Variants in PDE4D observed in about 807,000 individuals in gnomAD.
PDE4D encodes the protein phosphodiesterase 4D.
Under a neutral mutation model 87.4 loss-of-function variants are expected in PDE4D, and 24 were observed. That is an observed-to-expected ratio of 0.27 (90% CI 0.20 to 0.39). The LOEUF (loss-of-function observed/expected upper bound fraction) is 0.39, where lower values mean the gene tolerates loss of function less well. Ranked by LOEUF, PDE4D falls within the 10% of genes least tolerant of loss-of-function variation. PDE4D has a pLI of 1.00. For synonymous variants in PDE4D, 384 were observed against 383.2 expected (o/e 1.00, Z -0.02); for missense variants, 714 against 1,041.0 (o/e 0.69, Z 4.32).
At chr5:59,712,429 T>TATATATATATATATA (rs1754342946) in intron 1 of PDE4D, among the ~76,000 whole-genome samples, 1 of 131,636 alleles carries the variant, frequency 7.6e-6, no homozygotes, top group Non-Finnish European at 1.6e-5. Flanking sequence ...TATATATATA[T>TATATATATATATATA]TTAAGTTGTT....
At chr5:60,319,759 G>GT (rs1362476708) in intron 1 of PDE4D, among the ~76,000 whole-genome samples, 1 of 152,208 alleles carries the variant, frequency 6.6e-6, no homozygotes, top group Admixed American at 6.5e-5. Context: ...TCCAGACCCT[G>GT]TTTCCCTGGG....
chr5:59,585,136 C>CA (rs36011948), intron 1 of PDE4D, among the ~76,000 whole-genome samples: 2 of 151,872 alleles, frequency 1.3e-5, no homozygotes, highest in Non-Finnish European at 2.9e-5. Context: ...CTCTGGTCAG[C>CA]AAAAAAGGTA....
chr5:59,728,253 T>C (rs1214312177), intron 1 of PDE4D, among the ~76,000 whole-genome samples: 1 of 152,066 alleles, frequency 6.6e-6, no homozygotes, highest in Non-Finnish European at 1.5e-5. Context: ...AATATGAACA[T>C]AATATAAAAG....
intron 1 of PDE4D, among the ~76,000 whole-genome samples, chr5:60,357,570 C>G (rs1934338892): frequency 6.6e-6 from 1 of 152,114 alleles, no homozygotes. Context: ...AACTGCATTT[C>G]AAAGACTAAA....
At chr5:59,630,919 G>T (rs1022777747) in intron 1 of PDE4D, among the ~76,000 whole-genome samples, 4 of 151,590 alleles carry the variant, frequency 2.6e-5, no homozygotes, top group African/African-American at 7.3e-5. Context: ...CTGACGCTCG[G>T]TTTTTTTTCC....
intron 1 of PDE4D, among the ~76,000 whole-genome samples, chr5:59,870,754 G>A (rs1361856088): frequency 6.6e-6 from 1 of 152,144 alleles, no homozygotes; most frequent in Non-Finnish European, 1.5e-5. Context: ...CAGGGAGATT[G>A]TACTGAAATG....
At chr5:59,837,662 AATT>A (rs1488053579) in intron 1 of PDE4D, among the ~76,000 whole-genome samples, 1 of 152,072 alleles carries the variant, frequency 6.6e-6, no homozygotes, top group African/African-American at 2.4e-5. Context: ...GTTTAACATA[AATT>A]ATGAGATTTT....
At chr5:60,234,023 T>C (rs1746125182) in intron 1 of PDE4D, among the ~76,000 whole-genome samples, 1 of 151,862 alleles carries the variant, frequency 6.6e-6, no homozygotes, top group Non-Finnish European at 1.5e-5. Context: ...CAGTCGTTTC[T>C]ACAATATTCA....
intron 1 of PDE4D, among the ~76,000 whole-genome samples, chr5:59,677,117 A>AT (rs1380896392): frequency 6.6e-6 from 1 of 152,136 alleles, no homozygotes; most frequent in Non-Finnish European, 1.5e-5. Flanking sequence ...GAAAAAAAAA[A>AT]GTTGAGATCT....
intron 3 of PDE4D, among the ~76,000 whole-genome samples, chr5:59,971,916 G>T (rs1760813320): frequency 6.6e-6 from 1 of 152,160 alleles, no homozygotes; most frequent in South Asian, 2.1e-4. Flanking sequence ...ATAGAACTCA[G>T]AATAAACAGG....
intron 1 of PDE4D, among the ~76,000 whole-genome samples, chr5:60,257,106 T>G (rs1270124788): frequency 6.6e-6 from 1 of 151,204 alleles, no homozygotes; most frequent in African/African-American, 2.4e-5. Context: ...TAAAATAAAA[T>G]TCACACAGAA....
At chr5:59,927,667 C>A (rs1191758576) in intron 3 of PDE4D, among the ~76,000 whole-genome samples, 1 of 152,066 alleles carries the variant, frequency 6.6e-6, no homozygotes, top group East Asian at 1.9e-4. Flanking sequence ...TACGAAGGCA[C>A]ATAAATCTAG....
chr5:59,011,457 T>G (rs1752790379), intron 6 of PDE4D, among the ~76,000 whole-genome samples: 1 of 152,158 alleles, frequency 6.6e-6, no homozygotes, highest in African/African-American at 2.4e-5. Flanking sequence ...TTAAATGACC[T>G]GATGGAGCTG....
At chr5:60,106,269 A>G (rs1269787011) in intron 2 of PDE4D, among the ~76,000 whole-genome samples, 1 of 151,978 alleles carries the variant, frequency 6.6e-6, no homozygotes, top group African/African-American at 2.4e-5. Flanking sequence ...GAAGGCCATT[A>G]CATAATGGTA....
At chr5:60,381,654 G>A (rs879734810) in intron 1 of PDE4D, among the ~76,000 whole-genome samples, 21 of 152,180 alleles carry the variant, frequency 1.4e-4, no homozygotes, top group Admixed American at 7.9e-4. Context: ...TGAGCTGGGA[G>A]GGTGGGTAAA....
chr5:59,088,437 A>T (rs1768102378), intron 5 of PDE4D, among the ~76,000 whole-genome samples: 3 of 152,150 alleles, frequency 2.0e-5, no homozygotes, highest in Admixed American at 1.3e-4. Flanking sequence ...CAACCCAGCA[A>T]TCTCATTTCT....
At chr5:59,128,613 C>T (rs10044993) in intron 5 of PDE4D, among the ~76,000 whole-genome samples, 1 of 152,074 alleles carries the variant, frequency 6.6e-6, no homozygotes, top group African/African-American at 2.4e-5. Flanking sequence ...AAGGTCATTT[C>T]GCTTGATGAT....
intron 5 of PDE4D, among the ~76,000 whole-genome samples, chr5:59,123,225 T>G (rs148840802): frequency 8.3e-4 from 126 of 152,348 alleles, no homozygotes; most frequent in Admixed American, 1.9e-3. Context: ...CCTGCCTCTA[T>G]GCCTGAACTT....
intron 5 of PDE4D, among the ~76,000 whole-genome samples, chr5:59,134,048 G>A (rs1776673515): frequency 6.6e-6 from 1 of 150,710 alleles, no homozygotes; most frequent in Non-Finnish European, 1.5e-5. Context: ...GCATTACCTT[G>A]TACATGGTTT....
Sources: allele counts gnomAD v4.1 joint callset (sites outside exome capture counted in the v4.1 genomes callset), GRCh38; gene constraint gnomAD v4.1.1; transcripts MANE v1.5; gene names NCBI Gene and HGNC (gene_info 2026-07-23, HGNC 2026-07-21).